The following PTN variants were observed in gnomAD, a reference collection of about 807,000 sequenced individuals.
PTN encodes the protein heparin affin regulatory protein.
Under a neutral mutation model 24.1 loss-of-function variants are expected in PTN, and 18 were observed. The observed-to-expected ratio is 0.75, with a 90% CI of 0.52 to 1.11. The LOEUF (loss-of-function observed/expected upper bound fraction) is 1.11, where lower values mean the gene tolerates loss of function less well. Among genes scored for constraint, PTN ranks in the 50% least tolerant of loss-of-function variants. The pLI is 0.00. For synonymous variants in PTN, 78 were observed against 68.6 expected (o/e 1.14, Z -0.67); for missense variants, 163 against 198.8 (o/e 0.82, Z 1.08).
At chr7:137,318,242 C>T (rs172816) in intron 1 of PTN, among the ~76,000 whole-genome samples, 152,003 of 152,318 alleles carry the variant, frequency 1, 75,846 homozygotes, top group Middle Eastern at 1. Context: ...CACTCCAGAC[C>T]GGGCAACAGT....
At chr7:137,293,487 A>T (rs1002881329) in intron 1 of PTN, among the ~76,000 whole-genome samples, 2 of 152,118 alleles carry the variant, frequency 1.3e-5, no homozygotes, top group Non-Finnish European at 2.9e-5. Flanking sequence ...TAGTAATTAG[A>T]GTGGAGTTAC....
intron 1 of PTN, among the ~76,000 whole-genome samples, chr7:137,319,228 T>A (rs574685409): frequency 6.6e-6 from 1 of 152,240 alleles, no homozygotes; most frequent in Non-Finnish European, 1.5e-5. Flanking sequence ...ATTCCTCATC[T>A]GTAAAATGGG....
At chr7:137,315,418 G>A (rs1810056168) in intron 1 of PTN, among the ~76,000 whole-genome samples, 2 of 152,062 alleles carry the variant, frequency 1.3e-5, no homozygotes, top group South Asian at 4.1e-4. Flanking sequence ...GACTTACCTG[G>A]TAGCCTTAAA....
At chr7:137,284,913 G>C (rs1809529849) in intron 1 of PTN, among the ~76,000 whole-genome samples, 1 of 152,100 alleles carries the variant, frequency 6.6e-6, no homozygotes, top group Admixed American at 6.6e-5. Flanking sequence ...ATACTGACTT[G>C]AAATAAATTA....
intron 4 of PTN, among the ~76,000 whole-genome samples, chr7:137,244,633 TG>T (rs1808692771): frequency 6.6e-6 from 1 of 151,890 alleles, no homozygotes; most frequent in Non-Finnish European, 1.5e-5. Flanking sequence ...ATGCGATGTT[TG>T]GTTTTTTTTG....
rs370124074 is a variant in PTN, at chr7:137,311,224, T to C, written c.-2+32215A>G. On this transcript the variant is annotated intron_variant, in intron 1 of 4. Transcript: ENST00000348225. Reference sequence around the variant, plus strand: ...ACCAGCCTGGGTGACAGAGGGAGACTCCATTTCAAAAAAAAAAAAAAAAAA... The same window carrying C: ...ACCAGCCTGGGTGACAGAGGGAGACCCCATTTCAAAAAAAAAAAAAAAAAA... 3.0e-4 allele frequency among the ~76,000 whole-genome samples: 26 copies of C among 87,272 alleles called. 1 individual carries two copies. The highest frequency in any genetic ancestry group is 9.6e-4 in the Admixed American group (6 of 6,236). 57.3% of individuals were successfully genotyped at this position (87,272 alleles called of 152,430 possible).
At chr7:137,256,944 C>T (rs887899654) in intron 1 of PTN, among the ~76,000 whole-genome samples, 3 of 152,062 alleles carry the variant, frequency 2.0e-5, no homozygotes, top group South Asian at 4.2e-4. Flanking sequence ...AAATGCAAAT[C>T]AAAACCACAG....
At chr7:137,239,698 A>C (rs939661554) in intron 4 of PTN, among the ~76,000 whole-genome samples, 1 of 152,040 alleles carries the variant, frequency 6.6e-6, no homozygotes, top group East Asian at 1.9e-4. Context: ...ATGATTTCCA[A>C]TTTCATCCAT....
At chr7:137,306,899 C>A (rs970129644) in intron 1 of PTN, among the ~76,000 whole-genome samples, 2 of 151,966 alleles carry the variant, frequency 1.3e-5, no homozygotes, top group Non-Finnish European at 2.9e-5. Context: ...GGATATCCAC[C>A]TTTAGTGCTG....
chr7:137,257,458 G>A (rs1808953871), intron 1 of PTN, among the ~76,000 whole-genome samples: 1 of 152,204 alleles, frequency 6.6e-6, no homozygotes, highest in Non-Finnish European at 1.5e-5. Context: ...AGGTTTGCAA[G>A]TCTTTTCAGA....
intron 1 of PTN, among the ~76,000 whole-genome samples, chr7:137,310,833 G>C (rs1809969447): frequency 6.6e-6 from 1 of 152,174 alleles, no homozygotes; most frequent in Non-Finnish European, 1.5e-5. Context: ...TGCTTCACTT[G>C]CACTTTTATA....
At chr7:137,313,667 C>G (rs1302572531) in intron 1 of PTN, among the ~76,000 whole-genome samples, 1 of 152,194 alleles carries the variant, frequency 6.6e-6, no homozygotes, top group East Asian at 1.9e-4. Context: ...TCATAACTAT[C>G]AAAGGATTAA....
intron 1 of PTN, among the ~76,000 whole-genome samples, chr7:137,324,343 CTG>C (rs1182224780): frequency 6.8e-6 from 1 of 146,722 alleles, no homozygotes; most frequent in Non-Finnish European, 1.5e-5. Flanking sequence ...TGGGCTCAAG[CTG>C]TAGTGTGCAA....
At chr7:137,321,652 TTTC>T (rs1215147912) in intron 1 of PTN, among the ~76,000 whole-genome samples, 2 of 152,172 alleles carry the variant, frequency 1.3e-5, no homozygotes, top group Non-Finnish European at 2.9e-5. Context: ...CCAGAAATAA[TTTC>T]TTCTTCTTGT....
Position 137,253,649 on chromosome 7 carries a change from G to T in PTN, c.116-12C>A. ...CTTCACTTTTTTTTCTGAATGAAAG[G>T]AGGAAAACCTAATCAACATACAGAA... On this transcript the variant is annotated splice_polypyrimidine_tract_variant and intron_variant, in intron 2 of 4. Transcript: ENST00000348225. 2.0e-6 allele frequency: 3 copies of T among 1,527,372 alleles called. No homozygotes were observed. Among genetic ancestry groups the T allele is most frequent in the South Asian group, 2.6e-5 (2 of 76,848 alleles). 94.6% of individuals were successfully genotyped at this position (1,527,372 alleles called of 1,614,324 possible).
At chr7:137,236,541 T>A (rs61335916) in intron 4 of PTN, among the ~76,000 whole-genome samples, 2,774 of 152,250 alleles carry the variant, frequency 0.018, 78 homozygotes, top group African/African-American at 0.064. Context: ...CGAGTTTCTT[T>A]TGTTTAGCAA....
chr7:137,257,365 G>T (rs17169012), intron 1 of PTN, among the ~76,000 whole-genome samples: 2 of 152,120 alleles, frequency 1.3e-5, no homozygotes, highest in Non-Finnish European at 2.9e-5. Flanking sequence ...GAATGGTCAC[G>T]CAGAAAAGTT....
At chr7:137,338,585 T>A (rs748322846) in intron 1 of PTN, among the ~76,000 whole-genome samples, 16 of 152,210 alleles carry the variant, frequency 1.1e-4, no homozygotes, top group Non-Finnish European at 1.9e-4. Context: ...ATTGTACATA[T>A]CTTCCTCTAA....
intron 1 of PTN, among the ~76,000 whole-genome samples, chr7:137,263,516 A>C (rs1809080585): frequency 6.6e-6 from 1 of 152,096 alleles, no homozygotes; most frequent in South Asian, 2.1e-4. Flanking sequence ...GACAGGTTTT[A>C]TTAGTGATGA....
Sources: allele counts gnomAD v4.1 joint callset (sites outside exome capture counted in the v4.1 genomes callset), GRCh38; gene constraint gnomAD v4.1.1; transcripts MANE v1.5; gene names NCBI Gene and HGNC (gene_info 2026-07-23, HGNC 2026-07-21).